The following RPL3L variants were observed in gnomAD, a reference collection of about 807,000 sequenced individuals.
The protein encoded by RPL3L is ribosomal protein L3 like.
A neutral mutation model predicts 44.5 loss-of-function variants in RPL3L; 44 were observed. That is an observed-to-expected ratio of 0.99 (90% CI 0.78 to 1.27). The LOEUF is 1.27. Among genes scored for constraint, RPL3L ranks in the 50% most tolerant of loss-of-function variants. The pLI, the probability that RPL3L is intolerant of heterozygous loss-of-function variation, is 0.00. For missense variants in RPL3L, 631 were observed against 569.1 expected (o/e 1.11, Z -1.11); for synonymous variants, 292 against 230.7 (o/e 1.27, Z -2.41).
At chr16:1,945,356 A>G in intron 9 of RPL3L, 143 bp downstream of exon 9, 2 of 874,586 alleles carry the variant, frequency 2.3e-6, no homozygotes, top group Non-Finnish European at 1.6e-6. Context: ...CTCCATCTCA[A>G]AAAATAAAAT....
Position 1,944,639 on chromosome 16 carries a change from A to T in RPL3L, c.*198T>A. 1.6e-6 allele frequency: 1 copy of T among 607,074 alleles called. No individual in the cohort carries two copies. The highest frequency in any genetic ancestry group is 3.0e-6 in the Non-Finnish European group (1 of 338,338). The allele number at this position is 607,074 out of a possible 1,614,324, so 37.6% of individuals were successfully genotyped here. On this transcript the variant is annotated 3_prime_UTR_variant, in exon 10 of 10. Coordinates refer to ENST00000268661, the MANE Select transcript of RPL3L (RefSeq NM_005061.3). Reference sequence around the variant, plus strand: ...TAAAACTCCGGTCTCCCGCACAGCCAGCTCTGTGTGAATTACTCTTTCTCT... The same window carrying T: ...TAAAACTCCGGTCTCCCGCACAGCCTGCTCTGTGTGAATTACTCTTTCTCT...
At position 1,952,997 on chromosome 16, in the gene RPL3L, G is replaced by A. The variant is rs146965945; in HGVS notation, c.242C>T (p.Thr81Met). The stretch of plus-strand genomic sequence containing the variant: ...CACGCCCACCACCACTAGGGGCGGC[G>A]TTTCTACAATTGTCACCGCCTCCAC... ...EEVEAVTIVE[T>M]PPLVVVGVVG... The change falls in exon 3 of 10, where the codon ACG becomes ATG. Residue 81 changes from threonine to methionine, a missense_variant. Thr to Met is a moderately conservative substitution (Grantham distance 81). Coordinates refer to ENST00000268661, the MANE Select transcript of RPL3L (RefSeq NM_005061.3). The A allele has an allele frequency of 5.4e-5, 87 of 1,610,746 alleles. No individual in the cohort carries two copies. In the Admixed American group the frequency reaches 8.5e-4, roughly 16 times the overall value.
intron 9 of RPL3L, 104 bp from the exon 10 acceptor site, chr16:1,944,997 C>A (rs538433193): frequency 1.4e-6 from 2 of 1,408,730 alleles, no homozygotes; most frequent in Non-Finnish European, 2.0e-6. Context: ...TACTGCCCCC[C>A]TAAGGCTGCT....
At chr16:1,951,020 G>C (rs371438665) in intron 3 of RPL3L, 41 bp from the exon 4 acceptor site, 1 of 1,604,490 alleles carries the variant, frequency 6.2e-7, no homozygotes, top group Non-Finnish European at 8.5e-7. Flanking sequence ...CCCCCAACCG[G>C]GGCAGCTCCC....
intron 4 of RPL3L, among the ~76,000 whole-genome samples, chr16:1,947,969 G>T (rs1159223545): frequency 6.0e-5 from 8 of 133,044 alleles, no homozygotes; most frequent in African/African-American, 1.4e-4. Flanking sequence ...TTTGAGTCTC[G>T]CTCTATCGCC....
chr16:1,950,980 C>T lies in RPL3L; in HGVS notation c.366-1G>A. 1 of 1,613,696 alleles carries T rather than the reference C, an allele frequency of 6.2e-7. No individual in the cohort carries two copies. Among genetic ancestry groups the T allele is most frequent in the South Asian group, 1.1e-5 (1 of 91,082 alleles). On this transcript the variant is annotated splice_acceptor_variant, in intron 3 of 9. Coordinates refer to ENST00000268661, the MANE Select transcript of RPL3L (RefSeq NM_005061.3). LOFTEE classifies it high-confidence loss of function. ...GAAGGCTTTCTTCTTGCTCTTGTGC[C>T]TGAGCCATGCACAGGAGGGTGCTCA...
rs371170138 is a variant in RPL3L at position 1,947,394 on chromosome 16, C to T, written c.502-14G>A. 7 of 1,551,866 alleles carry T rather than the reference C, an allele frequency of 4.5e-6. No homozygotes were observed. The highest frequency in any genetic ancestry group is 6.1e-6 in the Non-Finnish European group (7 of 1,151,114). ...CAGCAGTTTCATCTGCAGGACATGG[C>T]CGGAGGTCACGCCACGGCCCACGGG... On this transcript the variant is annotated splice_polypyrimidine_tract_variant and intron_variant, in intron 4 of 9. Coordinates refer to ENST00000268661, the MANE Select transcript of RPL3L (RefSeq NM_005061.3).
At chr16:1,951,117 C>G in intron 3 of RPL3L, 138 bp from the exon 4 acceptor site, 1 of 1,120,508 alleles carries the variant, frequency 8.9e-7, no homozygotes. Flanking sequence ...GGCCTCTGAG[C>G]TGGTTCCAGC....
chr16:1,949,683 G>A (rs1269489315), intron 4 of RPL3L, among the ~76,000 whole-genome samples: 1 of 146,906 alleles, frequency 6.8e-6, no homozygotes, highest in Non-Finnish European at 1.5e-5. Flanking sequence ...TATGGGGCAG[G>A]TATGTATGAG....
At chr16:1,952,765 C>T (rs905198740) in intron 3 of RPL3L, 109 bp downstream of exon 3, 145 of 1,293,652 alleles carry the variant, frequency 1.1e-4, no homozygotes, top group Non-Finnish European at 1.4e-4. Context: ...GTTGAGACTT[C>T]GCTTCCTACT....
intron 3 of RPL3L, among the ~76,000 whole-genome samples, chr16:1,952,393 T>C (rs2083176875): frequency 6.6e-6 from 1 of 152,148 alleles, no homozygotes; most frequent in African/African-American, 2.4e-5. Context: ...TTTCTTGAGA[T>C]TGAGACAGGG....
intron 9 of RPL3L, 25 bp from the exon 10 acceptor site, chr16:1,944,918 G>T: frequency 6.3e-7 from 1 of 1,583,282 alleles, no homozygotes; most frequent in Non-Finnish European, 8.5e-7. Context: ...GGTGCAGGAG[G>T]AGCCTTAGTC....
chr16:1,947,165 C>T (rs528040098), intron 5 of RPL3L, 29 bp downstream of exon 5: 2 of 1,612,940 alleles, frequency 1.2e-6, no homozygotes, highest in East Asian at 2.2e-5. Flanking sequence ...GCAGCCTGCC[C>T]TGGAGCTGCC....
At chr16:1,945,058 A>G (rs2083110347) in intron 9 of RPL3L, among the ~76,000 whole-genome samples, 165 bp from the exon 10 acceptor site, 1 of 151,798 alleles carries the variant, frequency 6.6e-6, no homozygotes, top group Non-Finnish European at 1.5e-5. Flanking sequence ...ATAGACCCTT[A>G]AGAGTCTCTC....
rs1294034459 is a variant in RPL3L at position 1,954,100 on chromosome 16, G to T, written c.52C>A (p.Pro18Thr). ...CGGTGCCGGTGGCTCCTCTTATGGG[G>T]CAGGAAGCCCAGGTGTCCGTGCCGA... is the stretch of plus-strand genomic sequence containing the variant. ...APRHGHLGFL[P>T]HKRSHRHRGK... The change falls in exon 2 of 10, where the codon CCC becomes ACC. Residue 18 changes from proline to threonine, a missense_variant. Transcript: ENST00000268661. 1.9e-5 allele frequency: 30 copies of T among 1,602,162 alleles called. No homozygotes were observed. The East Asian group carries it at 6.5e-4, about 35-fold the overall frequency.
chr16:1,946,618 G>A lies in RPL3L; in HGVS notation c.951+7C>T. The A allele has an allele frequency of 6.2e-7, 1 of 1,611,148 alleles. No homozygotes were observed. Among genetic ancestry groups the A allele is most frequent in the Admixed American group, 1.7e-5 (1 of 59,974 alleles). On this transcript the variant is annotated splice_region_variant and intron_variant, in intron 7 of 9. Coordinates refer to ENST00000268661, the MANE Select transcript of RPL3L (RefSeq NM_005061.3). ...TGGGCCTGGCAGTCGCCCCCTCCCA[G>A]CCTCACCAGCGGTGTGATGGACTTG...
At chr16:1,946,581 T>C in intron 7 of RPL3L, 44 bp downstream of exon 7, 1 of 1,586,858 alleles carries the variant, frequency 6.3e-7, no homozygotes, top group Non-Finnish European at 8.6e-7. Context: ...CCAGCCATCA[T>C]CAGCGGTGTG....
Position 1,944,775 on chromosome 16 carries a change from C to A in RPL3L, c.*62G>T, listed in dbSNP as rs57827007. The A allele has an allele frequency of 4.1e-3, 6,567 of 1,609,146 alleles. 129 individuals carry two copies. The East Asian group carries it at 0.068, about 17-fold the overall frequency. On this transcript the variant is annotated 3_prime_UTR_variant, in exon 10 of 10. Transcript: ENST00000268661. Reference sequence around the variant, plus strand: ...ACCTCGCAGGAAGAGTCGCCTCCGGCCTTTGTTAGACATTGGGGCAGACAG... The same window carrying A: ...ACCTCGCAGGAAGAGTCGCCTCCGGACTTTGTTAGACATTGGGGCAGACAG...
intron 2 of RPL3L, 145 bp downstream of exon 2, chr16:1,953,811 C>T: frequency 2.4e-6 from 2 of 836,166 alleles, no homozygotes; most frequent in South Asian, 3.1e-5. Flanking sequence ...CCTGCCTGTG[C>T]TCAGCGTCCA....
Sources: allele counts gnomAD v4.1 joint callset (sites outside exome capture counted in the v4.1 genomes callset), GRCh38; gene constraint gnomAD v4.1.1; transcripts MANE v1.5; gene names NCBI Gene and HGNC (gene_info 2026-07-23, HGNC 2026-07-21).